The following BIN3 variants were observed in gnomAD, a reference collection of about 807,000 sequenced individuals.
The protein encoded by BIN3 is bridging integrator 3.
Under a neutral mutation model 38.2 loss-of-function variants are expected in BIN3, and 41 were observed. That is an observed-to-expected ratio of 1.07 (90% confidence interval 0.84 to 1.39). BIN3 has a LOEUF of 1.39. Among genes scored for constraint, BIN3 ranks in the 40% most tolerant of loss-of-function variants. The pLI is 0.00. For synonymous variants in BIN3, 145 were observed against 122.6 expected (o/e 1.18, Z -1.21); for missense variants, 361 against 324.3 (o/e 1.11, Z -0.87).
At chr8:22,627,453 T>C (rs1242330480) in intron 6 of BIN3, among the ~76,000 whole-genome samples, 3 of 152,190 alleles carry the variant, frequency 2.0e-5, no homozygotes, top group African/African-American at 7.2e-5. Context: ...CGGTGCTGTG[T>C]GGGATCTCAG....
chr8:22,630,346 C>G, intron 5 of BIN3, 96 bp downstream of exon 5: 1 of 1,506,244 alleles, frequency 6.6e-7, no homozygotes, highest in Non-Finnish European at 9.0e-7. Context: ...GCCCTGAGAG[C>G]AGAGGGAGCC....
intron 4 of BIN3, chr8:22,634,568 G>A (rs1391431949): frequency 2.2e-6 from 1 of 455,896 alleles, no homozygotes. Context: ...GCCTCTATTG[G>A]GACATTTCAA....
At chr8:22,632,036 T>C (rs563950923) in intron 4 of BIN3, among the ~76,000 whole-genome samples, 1 of 152,378 alleles carries the variant, frequency 6.6e-6, no homozygotes, top group Non-Finnish European at 1.5e-5. Context: ...AATGCATTTC[T>C]TACCATATGC....
chr8:22,629,906 G>A (rs968509088), intron 6 of BIN3, 58 bp downstream of exon 6: 23 of 1,480,196 alleles, frequency 1.6e-5, no homozygotes, highest in Admixed American at 3.8e-5. Flanking sequence ...GTCCCCAAGT[G>A]GCTGCTGACC....
intron 2 of BIN3, among the ~76,000 whole-genome samples, chr8:22,642,670 TCTGTGACACAGGTA>T (rs1350191380): frequency 2.6e-5 from 4 of 152,182 alleles, no homozygotes; most frequent in African/African-American, 4.8e-5. Context: ...CAAAGTAACA[TCTGTGACACAGGTA>T]CTGTCATCAT....
intron 2 of BIN3, 28 bp from the exon 3 acceptor site, chr8:22,636,990 C>T (rs775914954): frequency 3.0e-5 from 48 of 1,607,864 alleles, no homozygotes; most frequent in Non-Finnish European, 3.6e-5. Flanking sequence ...ACTCAATTAT[C>T]GGAGAAATGA....
chr8:22,662,031 C>A (rs1016828075), intron 1 of BIN3, among the ~76,000 whole-genome samples: 1 of 152,180 alleles, frequency 6.6e-6, no homozygotes, highest in Non-Finnish European at 1.5e-5. Flanking sequence ...CTGACCTCAA[C>A]TGATCTGCCC....
At chr8:22,630,070 C>A (rs932937540) in intron 5 of BIN3, 66 bp from the exon 6 acceptor site, 5 of 1,455,564 alleles carry the variant, frequency 3.4e-6, no homozygotes, top group Non-Finnish European at 4.8e-6. Context: ...CAAGGCAGGG[C>A]CCCTAACTAC....
At chr8:22,654,251 C>T (rs956543998) in intron 1 of BIN3, among the ~76,000 whole-genome samples, 6 of 152,174 alleles carry the variant, frequency 3.9e-5, no homozygotes, top group African/African-American at 1.4e-4. Flanking sequence ...CCTTAAAAAA[C>T]TGCTTTACTG....
In BIN3 at chr8:22,669,108, T is replaced by C; in HGVS notation, c.-57A>G. On this transcript the variant is annotated 5_prime_UTR_variant, in exon 1 of 9. Coordinates refer to ENST00000276416, the MANE Select transcript of BIN3 (RefSeq NM_018688.6). ...TCAGCCACAACTCGTTTCTCTAGGG[T>C]CACTTCCGGATTCAACCAGTCTCCA... is the stretch of plus-strand genomic sequence containing the variant. 1 of 1,566,254 alleles carries C rather than the reference T, an allele frequency of 6.4e-7. No homozygotes were observed. The highest frequency in any genetic ancestry group is 8.7e-7 in the Non-Finnish European group (1 of 1,155,128).
chr8:22,661,453 G>A (rs190317983), intron 1 of BIN3, among the ~76,000 whole-genome samples: 6 of 137,660 alleles, frequency 4.4e-5, no homozygotes, highest in Middle Eastern at 4.4e-3. Flanking sequence ...CGCCTCCTGG[G>A]CTGAAGTGAT....
At position 22,644,825 on chromosome 8, in the gene BIN3, A is replaced by T. The variant is rs774663841; in HGVS notation, c.9-22T>A. On this transcript the variant is annotated intron_variant, in intron 1 of 8. Coordinates refer to ENST00000276416, the MANE Select transcript of BIN3 (RefSeq NM_018688.6). ...AATCCTATAAGAGAAAGAGACAAAG[A>T]GAGATATTGTGAGAAGTGGGGAAGG... The T allele has an allele frequency of 5.6e-6, 9 of 1,602,958 alleles. No homozygotes were observed. In the Admixed American group the frequency reaches 1.4e-4, roughly 24 times the overall value.
intron 1 of BIN3, among the ~76,000 whole-genome samples, chr8:22,645,986 C>A (rs866235889): frequency 6.6e-6 from 1 of 152,196 alleles, no homozygotes; most frequent in Non-Finnish European, 1.5e-5. Context: ...CATGGCACAG[C>A]GGAAGGAGGA....
chr8:22,654,812 T>C (rs1803006053), intron 1 of BIN3, among the ~76,000 whole-genome samples: 1 of 152,244 alleles, frequency 6.6e-6, no homozygotes, highest in African/African-American at 2.4e-5. Context: ...AGATTTTGTG[T>C]GGATATGTTA....
intron 6 of BIN3, chr8:22,625,194 C>T (rs1801965882): frequency 1.6e-6 from 1 of 642,760 alleles, no homozygotes; most frequent in Non-Finnish European, 2.8e-6. Context: ...CCACACCGGC[C>T]TCGTCTTTGT....
chr8:22,634,589 C>T (rs1023169936), intron 4 of BIN3: 13 of 454,868 alleles, frequency 2.9e-5, no homozygotes, highest in Admixed American at 2.1e-4. Context: ...GGGTTTTCCT[C>T]GTAACTGCAG....
chr8:22,624,336 G>A lies in BIN3; in HGVS notation c.366C>T (p.Asn122=). ...KKFGSVFPSL[N]MAVKRREQAL... Reference sequence around the variant, plus strand: ...CCTGTTCCCGCCTCTTCACAGCCATGTTGAGGCTCGGGAAGACACTGCCGA... The same window carrying A: ...CCTGTTCCCGCCTCTTCACAGCCATATTGAGGCTCGGGAAGACACTGCCGA... The change falls in exon 7 of 9, where the codon AAC becomes AAT. Residue 122 remains asparagine (N), a synonymous_variant. Coordinates refer to ENST00000276416, the MANE Select transcript of BIN3 (RefSeq NM_018688.6). 6.2e-7 allele frequency: 1 copy of A among 1,613,740 alleles called. No homozygotes were observed. Among genetic ancestry groups the A allele is most frequent in the Non-Finnish European group, 8.5e-7 (1 of 1,179,784 alleles).
At chr8:22,642,680 A>T (rs79511995) in intron 2 of BIN3, among the ~76,000 whole-genome samples, 1,557 of 152,340 alleles carry the variant, frequency 0.01, 26 homozygotes, top group African/African-American at 0.035. Flanking sequence ...TCTGTGACAC[A>T]GGTACTGTCA....
intron 8 of BIN3, among the ~76,000 whole-genome samples, chr8:22,621,955 A>G (rs7842260): frequency 0.13 from 19,161 of 152,184 alleles, 2,617 homozygotes; most frequent in African/African-American, 0.34. Context: ...TGGTAGGCTG[A>G]TGGCTCCCAA....
Sources: gnomAD v4.1 joint callset for allele counts (sites outside exome capture counted in the v4.1 genomes callset) on GRCh38, gnomAD v4.1.1 for gene constraint, MANE v1.5 for transcripts, NCBI Gene and HGNC (gene_info 2026-07-23, HGNC 2026-07-21) for gene names.